EPC1: variants seen among roughly 807,000 people sequenced by gnomAD.
The protein encoded by EPC1 is enhancer of polycomb 1, also known as enhancer of polycomb homolog 1.
A neutral mutation model predicts 98.4 loss-of-function variants in EPC1; 12 were observed. The observed-to-expected ratio is 0.12, with a 90% CI of 0.08 to 0.20. The LOEUF is 0.20. Ranked by LOEUF, EPC1 falls within the 10% of genes least tolerant of loss-of-function variation. The pLI is 1.00. For missense variants in EPC1, 729 were observed against 990.5 expected (o/e 0.74, Z 3.54); for synonymous variants, 357 against 363.9 (o/e 0.98, Z 0.21).
At chr10:32,353,656 TA>T (rs1245412173) in intron 1 of EPC1, among the ~76,000 whole-genome samples, 1 of 152,230 alleles carries the variant, frequency 6.6e-6, no homozygotes, top group Non-Finnish European at 1.5e-5. Flanking sequence ...CTCACGGGAC[TA>T]ATAATAAAGT....
upstream of EPC1, among the ~76,000 whole-genome samples, chr10:32,348,422 C>G (rs1196022705): frequency 6.6e-6 from 1 of 152,050 alleles, no homozygotes; most frequent in Non-Finnish European, 1.5e-5. Flanking sequence ...TGCTTTTCTC[C>G]CTGGGAACTA....
At chr10:32,288,922 T>C (rs1202464824) in intron 6 of EPC1, among the ~76,000 whole-genome samples, 1 of 151,904 alleles carries the variant, frequency 6.6e-6, no homozygotes, top group Non-Finnish European at 1.5e-5. Context: ...ACCCTGTCTC[T>C]ACTAAAAATA....
At chr10:32,294,628 T>G (rs1835041663) in intron 2 of EPC1, among the ~76,000 whole-genome samples, 1 of 152,220 alleles carries the variant, frequency 6.6e-6, no homozygotes, top group Admixed American at 6.5e-5. Context: ...GTCATGCTGA[T>G]GGAAATGGGA....
intron 10 of EPC1, chr10:32,284,435 C>T (rs1357829808): frequency 3.2e-5 from 10 of 317,088 alleles, no homozygotes; most frequent in East Asian, 2.7e-4. Flanking sequence ...TTGTGGTTCA[C>T]GGACTATATC....
intron 1 of EPC1, among the ~76,000 whole-genome samples, chr10:32,378,259 C>A (rs1839909999): frequency 6.6e-6 from 1 of 151,060 alleles, no homozygotes; most frequent in Non-Finnish European, 1.5e-5. Context: ...CTGTAGTTCA[C>A]AGTAATTAAA....
intron 1 of EPC1, among the ~76,000 whole-genome samples, chr10:32,355,932 G>A (rs558026482): frequency 1.3e-5 from 2 of 152,262 alleles, no homozygotes; most frequent in South Asian, 4.1e-4. Context: ...CTTTTGAGTA[G>A]ATAGACTACT....
At chr10:32,308,327 T>C (rs1031218719) in intron 1 of EPC1, among the ~76,000 whole-genome samples, 2 of 150,658 alleles carry the variant, frequency 1.3e-5, no homozygotes, top group African/African-American at 2.4e-5. Context: ...GAGGCGGAGG[T>C]TTCAGTGAGC....
chr10:32,325,863 T>C (rs566005461), intron 1 of EPC1, among the ~76,000 whole-genome samples: 1 of 152,252 alleles, frequency 6.6e-6, no homozygotes, highest in African/African-American at 2.4e-5. Flanking sequence ...GTTACAACAC[T>C]TGTACTTAAT....
At chr10:32,305,073 G>A (rs1331666720) in intron 2 of EPC1, among the ~76,000 whole-genome samples, 6 of 152,162 alleles carry the variant, frequency 3.9e-5, no homozygotes, top group African/African-American at 1.4e-4. Flanking sequence ...AAAGCTCTCA[G>A]CTATTCATCA....
rs77032645 is a variant in EPC1, at chr10:32,306,073, C to T, written c.154-142G>A. The T allele has an allele frequency of 1.4e-3, 966 of 680,742 alleles. 10 individuals are homozygous for T. The East Asian group carries it at 0.024, about 17-fold the overall frequency. The allele number at this position is 680,742 out of a possible 1,614,324, so 42.2% of individuals were successfully genotyped here. A position where few individuals can be genotyped will look rare whatever the true frequency, so the allele number is the denominator to read the frequency against. On this transcript the variant is annotated intron_variant, in intron 1 of 13. Coordinates refer to ENST00000319778, the MANE Select transcript of EPC1 (RefSeq NM_001272004.3). The stretch of plus-strand genomic sequence containing the variant: ...AGATCTTAAAAGCATGTTGTTAACA[C>T]GATACAACTAGTGATAAAATCAGTT...
chr10:32,373,381 A>G (rs1564570893), intron 1 of EPC1, among the ~76,000 whole-genome samples: 1 of 152,232 alleles, frequency 6.6e-6, no homozygotes, highest in Non-Finnish European at 1.5e-5. Context: ...GCCACTGAGA[A>G]AACAGATACT....
At chr10:32,360,175 T>C (rs1300801544) in intron 1 of EPC1, among the ~76,000 whole-genome samples, 1 of 152,270 alleles carries the variant, frequency 6.6e-6, no homozygotes, top group Non-Finnish European at 1.5e-5. Flanking sequence ...AGTAATTTTG[T>C]ATCATTCCTA....
At chr10:32,270,478 T>C in intron 13 of EPC1, among the ~76,000 whole-genome samples, 1 of 152,176 alleles carries the variant, frequency 6.6e-6, no homozygotes, top group Non-Finnish European at 1.5e-5. Context: ...CAAAAAATAA[T>C]GGTTCAATTT....
intron 1 of EPC1, among the ~76,000 whole-genome samples, chr10:32,370,061 A>G (rs111678802): frequency 0.027 from 4,127 of 152,310 alleles, 178 homozygotes; most frequent in African/African-American, 0.092. Flanking sequence ...ATATAAGCTA[A>G]AAACTTTTTA....
chr10:32,348,705 C>T (rs901904505), upstream of EPC1, among the ~76,000 whole-genome samples: 2 of 152,196 alleles, frequency 1.3e-5, no homozygotes, highest in African/African-American at 4.8e-5. Flanking sequence ...GTATTGAGCC[C>T]TCATAGCCTT....
chr10:32,351,133 G>A (rs1438770324), upstream of EPC1, among the ~76,000 whole-genome samples: 1 of 152,162 alleles, frequency 6.6e-6, no homozygotes, highest in Non-Finnish European at 1.5e-5. Context: ...GCCTCACAAT[G>A]CATGTCACCA....
intron 1 of EPC1, among the ~76,000 whole-genome samples, chr10:32,340,502 GTGT>G (rs1445450866): frequency 1.3e-5 from 2 of 152,174 alleles, no homozygotes; most frequent in Admixed American, 1.3e-4. Context: ...GTTTATAAAT[GTGT>G]TGAAGGCAAC....
chr10:32,377,871 A>G (rs532090946), intron 1 of EPC1, among the ~76,000 whole-genome samples: 2 of 152,248 alleles, frequency 1.3e-5, no homozygotes, highest in Non-Finnish European at 2.9e-5. Flanking sequence ...CGTATAGGAG[A>G]AAAACAAGAT....
chr10:32,327,832 T>A (rs1282894987), intron 1 of EPC1, among the ~76,000 whole-genome samples: 1 of 152,190 alleles, frequency 6.6e-6, no homozygotes, highest in Admixed American at 6.5e-5. Flanking sequence ...GTATTATAAC[T>A]TTGGGGGACA....
Sources: allele counts gnomAD v4.1 joint callset (sites outside exome capture counted in the v4.1 genomes callset), GRCh38; gene constraint gnomAD v4.1.1; transcripts MANE v1.5; gene names NCBI Gene and HGNC (gene_info 2026-07-23, HGNC 2026-07-21).